TMEM135: variants seen among roughly 807,000 people sequenced by gnomAD.
TMEM135 encodes transmembrane protein 135.
Under a neutral mutation model 60.3 loss-of-function variants are expected in TMEM135, and 30 were observed. The observed-to-expected ratio is 0.50, with a 90% CI of 0.37 to 0.68. TMEM135 has a LOEUF of 0.68. Among genes scored for constraint, TMEM135 ranks in the 30% least tolerant of loss-of-function variants. The pLI, the probability that TMEM135 is intolerant of heterozygous loss-of-function variation, is 0.00. For synonymous variants in TMEM135, 190 were observed against 186.7 expected (o/e 1.02, Z -0.14); for missense variants, 468 against 548.8 (o/e 0.85, Z 1.47).
At chr11:87,138,621 G>T (rs546906955) in intron 4 of TMEM135, among the ~76,000 whole-genome samples, 22 of 152,022 alleles carry the variant, frequency 1.4e-4, no homozygotes, top group Non-Finnish European at 2.6e-4. Context: ...AAGTGGCAGA[G>T]GTATATTAGT....
intron 1 of TMEM135, among the ~76,000 whole-genome samples, chr11:87,040,975 C>T (rs1949745662): frequency 6.6e-6 from 1 of 151,980 alleles, no homozygotes; most frequent in South Asian, 2.1e-4. Context: ...ATGCAGTAGA[C>T]ATTTATAGCA....
chr11:87,046,473 A>C (rs973795609), intron 1 of TMEM135, among the ~76,000 whole-genome samples: 1 of 152,256 alleles, frequency 6.6e-6, no homozygotes, highest in Non-Finnish European at 1.5e-5. Context: ...TAAAGCTGTA[A>C]GATTTTAAGC....
At chr11:87,228,170 C>T (rs1376219963) in intron 5 of TMEM135, among the ~76,000 whole-genome samples, 1 of 152,114 alleles carries the variant, frequency 6.6e-6, no homozygotes, top group African/African-American at 2.4e-5. Context: ...TGCATTTCCA[C>T]CAAACTATGT....
intron 2 of TMEM135, among the ~76,000 whole-genome samples, chr11:87,068,851 G>A (rs532678981): frequency 6.6e-6 from 1 of 150,498 alleles, no homozygotes; most frequent in Admixed American, 6.6e-5. Flanking sequence ...GTCTTTCACA[G>A]ATTTTTCCCT....
intron 1 of TMEM135, among the ~76,000 whole-genome samples, chr11:87,064,886 A>G (rs1248106062): frequency 2.0e-5 from 3 of 152,222 alleles, no homozygotes; most frequent in African/African-American, 7.2e-5. Flanking sequence ...CTTTGTCTCA[A>G]AAAAGAAACC....
At chr11:87,188,067 A>G (rs1226337924) in intron 5 of TMEM135, among the ~76,000 whole-genome samples, 1 of 151,576 alleles carries the variant, frequency 6.6e-6, no homozygotes, top group Non-Finnish European at 1.5e-5. Context: ...GTGTTGAACA[A>G]TGAGAGAGAG....
chr11:87,245,369 G>A (rs1337685702), intron 6 of TMEM135, among the ~76,000 whole-genome samples: 2 of 91,360 alleles, frequency 2.2e-5, no homozygotes, highest in East Asian at 4.4e-4. Flanking sequence ...TGTTAGGTCC[G>A]CTTGGTGCAG....
chr11:87,325,086 C>G lies in TMEM135; in HGVS notation c.*3753C>G, dbSNP rs1192261474. Reference sequence around the variant, plus strand: ...GGTGCCAGCTCTATAATTTCTTCTTCTTGTGGAATTAACAAAGAAAGGAGT... The same window carrying G: ...GGTGCCAGCTCTATAATTTCTTCTTGTTGTGGAATTAACAAAGAAAGGAGT... On this transcript the variant is annotated 3_prime_UTR_variant, in exon 15 of 15. Transcript: ENST00000305494. 4 of 453,832 alleles carry G rather than the reference C, an allele frequency of 8.8e-6. No homozygotes were observed. The highest frequency in any genetic ancestry group is 8.0e-5 in the African/African-American group (4 of 49,958). 28.1% of individuals were successfully genotyped at this position (453,832 alleles called of 1,614,324 possible).
chr11:87,265,455 T>C (rs1037206874), intron 6 of TMEM135, among the ~76,000 whole-genome samples: 1 of 151,936 alleles, frequency 6.6e-6, no homozygotes, highest in Admixed American at 6.6e-5. Context: ...ATAAATTGAG[T>C]CTATTACTCC....
At chr11:87,169,068 C>G (rs572586054) in intron 5 of TMEM135, among the ~76,000 whole-genome samples, 55 of 151,936 alleles carry the variant, frequency 3.6e-4, no homozygotes, top group African/African-American at 1.3e-3. Context: ...CCTTCTTTGT[C>G]TCTTTTGATC....
At chr11:87,045,213 G>A (rs1039439982) in intron 1 of TMEM135, among the ~76,000 whole-genome samples, 2 of 151,172 alleles carry the variant, frequency 1.3e-5, no homozygotes, top group African/African-American at 2.4e-5. Flanking sequence ...TGTATTTTTA[G>A]TAGAGACGGG....
chr11:87,168,337 C>T (rs1424492811), intron 5 of TMEM135, among the ~76,000 whole-genome samples: 1 of 151,930 alleles, frequency 6.6e-6, no homozygotes, highest in African/African-American at 2.4e-5. Context: ...TGTTTCTTGT[C>T]TTCTACTTGC....
In TMEM135 at chr11:87,071,600, T is replaced by A; in HGVS notation, c.347T>A (p.Ile116Asn). Residue 116 changes from isoleucine (I) to asparagine (N), a missense_variant, in exon 3 of 15, where the codon ATT becomes AAT. Transcript: ENST00000305494. ...CCAGCATCTTATGTGGCCATTCTCATTGAAAGAAAAAGCAGGTAAAATTTC... is the reference window on the plus strand; with the variant it reads ...CCAGCATCTTATGTGGCCATTCTCAATGAAAGAAAAAGCAGGTAAAATTTC... ...ALPASYVAILIERKSRRGLLT... is the reference protein window; with the variant it reads ...ALPASYVAILNERKSRRGLLT... 6.2e-7 allele frequency: 1 copy of A among 1,613,536 alleles called. No individual in the cohort carries two copies. Among genetic ancestry groups the A allele is most frequent in the African/African-American group, 1.3e-5 (1 of 74,996 alleles).
Position 87,327,295 on chromosome 11 carries a change from C to A in TMEM135, c.*5962C>A. 2 of 453,998 alleles carry A rather than the reference C, an allele frequency of 4.4e-6. No individual in the cohort carries two copies. Among genetic ancestry groups the A allele is most frequent in the South Asian group, 3.1e-5 (2 of 64,464 alleles). 28.1% of individuals were successfully genotyped at this position (453,998 alleles called of 1,614,324 possible). ...AGGTATTAGTATTAGTCAGTAGGGT[C>A]TGAATCTGTGGCAGCAATCTTGCAG... is the stretch of plus-strand genomic sequence containing the variant. On this transcript the variant is annotated 3_prime_UTR_variant, in exon 15 of 15. Transcript: ENST00000305494.
At chr11:87,251,711 A>T (rs1371216814) in intron 6 of TMEM135, among the ~76,000 whole-genome samples, 1 of 152,186 alleles carries the variant, frequency 6.6e-6, no homozygotes, top group African/African-American at 2.4e-5. Context: ...TTATGTAATT[A>T]AAAAGCTGCT....
chr11:87,154,482 A>T (rs966376572), intron 4 of TMEM135, among the ~76,000 whole-genome samples: 1 of 152,206 alleles, frequency 6.6e-6, no homozygotes, highest in Non-Finnish European at 1.5e-5. Flanking sequence ...GTAGTTATGG[A>T]TATATACCCA....
intron 5 of TMEM135, among the ~76,000 whole-genome samples, chr11:87,195,416 T>TTC (rs1939931269): frequency 6.7e-6 from 1 of 149,452 alleles, no homozygotes; most frequent in African/African-American, 2.5e-5. Flanking sequence ...TCTCTGTTTC[T>TTC]CTCTTTCTTT....
At chr11:87,204,925 C>T (rs1234123945) in intron 5 of TMEM135, among the ~76,000 whole-genome samples, 1 of 151,956 alleles carries the variant, frequency 6.6e-6, no homozygotes, top group Non-Finnish European at 1.5e-5. Context: ...TCAAAAATTC[C>T]CTTTATATTC....
intron 5 of TMEM135, among the ~76,000 whole-genome samples, chr11:87,158,947 A>G (rs1026342172): frequency 6.6e-6 from 1 of 152,096 alleles, no homozygotes; most frequent in Non-Finnish European, 1.5e-5. Flanking sequence ...AGTAATTACT[A>G]TATATTTTTT....
Sources: gnomAD v4.1 joint callset for allele counts (sites outside exome capture counted in the v4.1 genomes callset) on GRCh38, gnomAD v4.1.1 for gene constraint, MANE v1.5 for transcripts, NCBI Gene and HGNC (gene_info 2026-07-23, HGNC 2026-07-21) for gene names.